DLG2: variants seen among roughly 807,000 people sequenced by gnomAD.
DLG2 encodes the protein disks large homolog 2.
A neutral mutation model predicts 132.5 loss-of-function variants in DLG2; 45 were observed. The ratio of observed to expected loss-of-function variants is 0.34; its 90% confidence interval spans 0.27 to 0.44. The LOEUF (loss-of-function observed/expected upper bound fraction) is 0.44, where lower values mean the gene tolerates loss of function less well. Ranked by LOEUF, DLG2 falls within the 20% of genes least tolerant of loss-of-function variation. The probability of loss-of-function intolerance (pLI) is 1.00; values close to 1 mark genes in which losing one functional copy is unlikely to be tolerated. For synonymous variants in DLG2, 424 were observed against 419.6 expected (o/e 1.01, Z -0.13); for missense variants, 1,045 against 1,196.9 (o/e 0.87, Z 1.87).
intron 6 of DLG2, among the ~76,000 whole-genome samples, chr11:84,813,414 A>T (rs1185247976): frequency 6.6e-6 from 1 of 151,994 alleles, no homozygotes. Context: ...GATGATTAAC[A>T]CCCTCCCAAC....
intron 18 of DLG2, among the ~76,000 whole-genome samples, chr11:83,661,113 T>G (rs1441712291): frequency 6.6e-6 from 1 of 152,126 alleles, no homozygotes; most frequent in African/African-American, 2.4e-5. Context: ...CCAGTTCTCC[T>G]GCTTTGCCCG....
At chr11:83,845,254 C>G (rs992414001) in intron 16 of DLG2, among the ~76,000 whole-genome samples, 7 of 151,954 alleles carry the variant, frequency 4.6e-5, no homozygotes, top group African/African-American at 1.7e-4. Context: ...TGTAGGAGAT[C>G]AAAAAGATCT....
chr11:85,287,399 C>G lies in DLG2; in HGVS notation c.41-2034G>C, dbSNP rs561771318. On this transcript the variant is annotated intron_variant, in intron 3 of 27. Transcript: ENST00000376104. ...TTCACAGTAAAAGAAATACATGTCA[C>G]AGATAAGCCTAGGAAAGATCCTCGA... Among the ~76,000 whole-genome samples the G allele has an allele frequency of 9.9e-5, 15 of 152,134 alleles. No individual in the cohort carries two copies. In the South Asian group the frequency reaches 3.1e-3, roughly 32 times the overall value.
intron 7 of DLG2, among the ~76,000 whole-genome samples, chr11:84,411,710 T>A (rs1203173861): frequency 1.3e-5 from 2 of 152,188 alleles, no homozygotes; most frequent in Non-Finnish European, 2.9e-5. Context: ...TGTCCAGTAG[T>A]CCTAAACAAA....
chr11:83,891,091 C>G (rs962837627), intron 15 of DLG2, among the ~76,000 whole-genome samples: 8 of 152,026 alleles, frequency 5.3e-5, no homozygotes, highest in Admixed American at 5.2e-4. Flanking sequence ...AGTTTAATCT[C>G]AGAAGTCAGT....
At chr11:84,525,275 T>C (rs1281672437) in intron 7 of DLG2, among the ~76,000 whole-genome samples, 2 of 152,156 alleles carry the variant, frequency 1.3e-5, no homozygotes, top group Non-Finnish European at 2.9e-5. Flanking sequence ...ACATAAATAC[T>C]TCAAAATCAG....
intron 3 of DLG2, among the ~76,000 whole-genome samples, chr11:85,353,174 A>C (rs1342597931): frequency 6.6e-6 from 1 of 152,240 alleles, no homozygotes; most frequent in African/African-American, 2.4e-5. Context: ...AAAAGTCGGC[A>C]AAGGATATGA....
At chr11:83,711,021 C>T (rs2085291542) in intron 18 of DLG2, among the ~76,000 whole-genome samples, 1 of 152,110 alleles carries the variant, frequency 6.6e-6, no homozygotes, top group African/African-American at 2.4e-5. Flanking sequence ...AATGTAAAGC[C>T]TGATACTTGG....
chr11:84,873,441 A>C (rs1331875888), intron 6 of DLG2, among the ~76,000 whole-genome samples: 8 of 152,336 alleles, frequency 5.3e-5, no homozygotes, highest in African/African-American at 1.9e-4. Flanking sequence ...GGAAATGTAG[A>C]TAATAAGTTT....
At chr11:85,244,877 C>T (rs1319531187) in intron 4 of DLG2, among the ~76,000 whole-genome samples, 1 of 151,848 alleles carries the variant, frequency 6.6e-6, no homozygotes, top group Non-Finnish European at 1.5e-5. Flanking sequence ...AGATATTGAT[C>T]ATGGGACAAT....
At chr11:83,959,427 G>A (rs1392525596) in intron 14 of DLG2, among the ~76,000 whole-genome samples, 1 of 152,016 alleles carries the variant, frequency 6.6e-6, no homozygotes, top group South Asian at 2.1e-4. Flanking sequence ...TCACAGACAT[G>A]TTTCCCTACT....
chr11:84,428,184 T>C (rs1446969821), intron 7 of DLG2, among the ~76,000 whole-genome samples: 6 of 152,218 alleles, frequency 3.9e-5, no homozygotes, highest in Non-Finnish European at 7.3e-5. Context: ...AAAAATATAT[T>C]ACCATTTTAA....
At chr11:83,952,302 G>A (rs971935871) in intron 14 of DLG2, among the ~76,000 whole-genome samples, 3 of 152,040 alleles carry the variant, frequency 2.0e-5, no homozygotes, top group Admixed American at 6.5e-5. Context: ...AACTGAGATC[G>A]AGCCACTGAA....
At chr11:85,377,884 CAA>C (rs1320068756) in intron 3 of DLG2, among the ~76,000 whole-genome samples, 8 of 149,036 alleles carry the variant, frequency 5.4e-5, no homozygotes, top group Admixed American at 2.0e-4. Context: ...CACACACACA[CAA>C]ACACACACAC....
intron 16 of DLG2, among the ~76,000 whole-genome samples, chr11:83,862,114 C>G (rs1440428736): frequency 6.6e-6 from 1 of 152,182 alleles, no homozygotes; most frequent in Admixed American, 6.5e-5. Flanking sequence ...GAAAGGAAAT[C>G]AGTATATCAA....
chr11:84,445,064 G>A (rs1013959821), intron 7 of DLG2, among the ~76,000 whole-genome samples: 2 of 151,994 alleles, frequency 1.3e-5, no homozygotes, highest in African/African-American at 4.8e-5. Flanking sequence ...CGCCTGCCTC[G>A]GCTTCCCAAA....
At chr11:85,481,851 G>C (rs1390467157) in intron 3 of DLG2, among the ~76,000 whole-genome samples, 2 of 151,562 alleles carry the variant, frequency 1.3e-5, no homozygotes, top group Admixed American at 6.6e-5. Flanking sequence ...CTTGTCCAGT[G>C]CCAGACCAGC....
intron 9 of DLG2, among the ~76,000 whole-genome samples, chr11:84,135,498 G>A (rs190592887): frequency 6.6e-6 from 1 of 152,184 alleles, no homozygotes; most frequent in Admixed American, 6.6e-5. Flanking sequence ...AAGTCCAAGA[G>A]TTAAGGATTA....
intron 6 of DLG2, among the ~76,000 whole-genome samples, chr11:84,899,373 C>G (rs942194177): frequency 2.6e-5 from 4 of 152,048 alleles, no homozygotes; most frequent in African/African-American, 9.7e-5. Context: ...TATTTCAACA[C>G]TGTTGCCTCC....
Sources: allele counts gnomAD v4.1 joint callset (sites outside exome capture counted in the v4.1 genomes callset), GRCh38; gene constraint gnomAD v4.1.1; transcripts MANE v1.5; gene names NCBI Gene and HGNC (gene_info 2026-07-23, HGNC 2026-07-21).